The following CEP131 variants were observed in gnomAD, a reference collection of about 807,000 sequenced individuals.
CEP131 encodes the protein centrosomal protein 131.
Under a neutral mutation model 136.8 loss-of-function variants are expected in CEP131, and 99 were observed. That is an observed-to-expected ratio of 0.72 (90% CI 0.62 to 0.86). CEP131 has a LOEUF of 0.86. CEP131 is among the 40% of genes least tolerant of loss of function. The probability of loss-of-function intolerance (pLI) is 0.00; values close to 1 mark genes in which losing one functional copy is unlikely to be tolerated. For missense variants in CEP131, 1,459 were observed against 1,463.0 expected (o/e 1.00, Z 0.04); for synonymous variants, 646 against 612.7 (o/e 1.05, Z -0.80).
At chr17:81,218,677 A>C (rs767673003) in intron 2 of CEP131, among the ~76,000 whole-genome samples, 6 of 152,248 alleles carry the variant, frequency 3.9e-5, no homozygotes, top group Non-Finnish European at 8.8e-5. Context: ...GCTTGGTCCA[A>C]GGGTCCGCTA....
chr17:81,193,136 C>T (rs961882708), intron 18 of CEP131, among the ~76,000 whole-genome samples: 2 of 152,226 alleles, frequency 1.3e-5, no homozygotes, highest in Admixed American at 1.3e-4. Flanking sequence ...TCCCTCAGCC[C>T]GTGTGCCGGC....
intron 13 of CEP131, chr17:81,197,395 G>C: frequency 1.9e-6 from 1 of 524,438 alleles, no homozygotes; most frequent in Non-Finnish European, 3.4e-6. Context: ...GAGGACAGCA[G>C]GGCTCCAGAG....
At position 81,194,052 on chromosome 17, in the gene CEP131, G is replaced by A. The variant is rs376926481; in HGVS notation, c.2195C>T (p.Ala732Val). 2.3e-5 allele frequency: 37 copies of A among 1,583,744 alleles called. 1 individual carries two copies. The highest frequency in any genetic ancestry group is 1.4e-4 in the East Asian group (6 of 43,348). ...EVRRLKSLHE[A>V]ELLQSDERAS... ...CCGCTCATCCGACTGCAGCAGCTCC[G>A]CCTCGTGCAGGCTCTTGAGCCTCCG... Residue 732 changes from alanine (A) to valine (V), a missense_variant, in exon 18 of 26, where the codon GCG (alanine) becomes GTG (valine). By Grantham distance (64) the Ala-to-Val change is moderately conservative (BLOSUM62 0). Coordinates refer to ENST00000450824, the MANE Select transcript of CEP131 (RefSeq NM_014984.4).
At chr17:81,192,685 G>GGGGCCCCCC in intron 19 of CEP131, 51 bp downstream of exon 19, 1 of 478,438 alleles carries the variant, frequency 2.1e-6, no homozygotes, top group Non-Finnish European at 4.1e-6. Flanking sequence ...GGGGGGAGGG[G>GGGGCCCCCC]TCAGCCAGCG....
chr17:81,201,081 C>CA (rs879408806), intron 7 of CEP131, among the ~76,000 whole-genome samples: 48 of 147,346 alleles, frequency 3.3e-4, no homozygotes, highest in Middle Eastern at 3.5e-3. Flanking sequence ...ACTGATTAAG[C>CA]AAAAAAAAAA....
intron 16 of CEP131, 63 bp downstream of exon 16, chr17:81,195,772 G>A (rs2061740867): frequency 1.5e-5 from 22 of 1,440,540 alleles, no homozygotes; most frequent in Non-Finnish European, 1.9e-5. Context: ...TGGGGGCTGT[G>A]CCAGCTGAGC....
chr17:81,199,112 C>T, intron 10 of CEP131, 141 bp from the exon 11 acceptor site: 1 of 878,348 alleles, frequency 1.1e-6, no homozygotes, highest in Non-Finnish European at 1.7e-6. Flanking sequence ...GAGCCACGGC[C>T]TTCTGGGTGT....
At chr17:81,207,912 CCACATA>C (rs2062043081) in intron 3 of CEP131, among the ~76,000 whole-genome samples, 1 of 1,206 alleles carries the variant, frequency 8.3e-4, no homozygotes, top group East Asian at 0.042. Flanking sequence ...ACCACACACA[CCACATA>C]ACACACACAC....
rs866484196 is a variant in CEP131, at chr17:81,206,891, A to G, written c.388-20T>C. The G allele has an allele frequency of 5.0e-6, 8 of 1,610,108 alleles. No individual in the cohort carries two copies. The highest frequency in any genetic ancestry group is 4.0e-5 in the African/African-American group (3 of 74,964). On this transcript the variant is annotated intron_variant, in intron 4 of 25. Coordinates refer to ENST00000450824, the MANE Select transcript of CEP131 (RefSeq NM_014984.4). The stretch of plus-strand genomic sequence containing the variant: ...GTCATCCTGTCAGACAGCTCAGCCC[A>G]TGACACCGCCCGCACACACCCAGAC...
intron 13 of CEP131, 122 bp from the exon 14 acceptor site, chr17:81,197,177 G>T: frequency 1.4e-6 from 2 of 1,391,984 alleles, no homozygotes; most frequent in Non-Finnish European, 1.9e-6. Context: ...ACGGGAGCCC[G>T]TGGGAAGCCG....
rs1005536416 is a variant in CEP131 at position 81,203,266 on chromosome 17, G to A, written c.629+228C>T. ...CCAAGAACAGAAGAGGGCGGCGGACGTGGATGGGGAGCCCGGTTCACAGCT... is the reference window on the plus strand; with the variant it reads ...CCAAGAACAGAAGAGGGCGGCGGACATGGATGGGGAGCCCGGTTCACAGCT... On this transcript the variant is annotated intron_variant, in intron 6 of 25. Transcript: ENST00000450824. The surrounding 1 kb of genome is among the most constrained non-coding windows in gnomAD (Gnocchi z 4.6). Among the ~76,000 whole-genome samples, 4 of 152,222 alleles carry A rather than the reference G, an allele frequency of 2.6e-5. No individual in the cohort carries two copies. The highest frequency in any genetic ancestry group is 6.5e-5 in the Admixed American group (1 of 15,286).
Position 81,195,947 on chromosome 17 carries a change from A to G in CEP131, c.1904T>C (p.Ile635Thr), listed in dbSNP as rs746840939. 2 of 1,608,918 alleles carry G rather than the reference A, an allele frequency of 1.2e-6. No homozygotes were observed. The highest frequency in any genetic ancestry group is 2.2e-5 in the East Asian group (1 of 44,876). ...TTCACTCAGGACCTTCTTGTCCTCA[A>G]TCAGCTGTGTTGGGGACCGGAGGTG... ...QRHLAFIDQL[I>T]EDKKVLSEKC... Residue 635 changes from isoleucine (I) to threonine (T), a missense_variant, in exon 16 of 26, where the codon ATT (isoleucine) becomes ACT (threonine). Physicochemically the swap from Ile to Thr is moderately conservative, Grantham distance 89. Transcript: ENST00000450824.
chr17:81,215,182 C>A lies in CEP131; in HGVS notation c.177+4698G>T, dbSNP rs1334216554. On this transcript the variant is annotated intron_variant, in intron 2 of 25. Transcript: ENST00000450824. The surrounding 1 kb of genome is among the most constrained non-coding windows in gnomAD (Gnocchi z 4.1). The stretch of plus-strand genomic sequence containing the variant: ...GATCATAGCTCACTGCAGCCTCAAA[C>A]TTTCTGGGTTCAAGCCATCCTCCTG... 2.0e-5 allele frequency among the ~76,000 whole-genome samples: 3 copies of A among 152,190 alleles called. No homozygotes were observed. Among genetic ancestry groups the A allele is most frequent in the African/African-American group, 7.2e-5 (3 of 41,524 alleles).
chr17:81,201,874 G>T (rs2061898171), intron 7 of CEP131, among the ~76,000 whole-genome samples: 1 of 152,170 alleles, frequency 6.6e-6, no homozygotes, highest in Non-Finnish European at 1.5e-5. Context: ...GGCGGAGGCG[G>T]GCGGATCACG....
In CEP131 at chr17:81,215,694, G is replaced by A. The variant is rs1381252499; in HGVS notation, c.177+4186C>T. On this transcript the variant is annotated intron_variant, in intron 2 of 25. Transcript: ENST00000450824. This position sits in a 1 kb window ranked among gnomAD's most constrained non-coding sequence, Gnocchi z 4.1. ...CCCAAAGTGCTGGGATTACAGGCAC[G>A]GGCCACCGCACCTGGCCCCCCTTTC... 2.0e-5 allele frequency among the ~76,000 whole-genome samples: 3 copies of A among 151,964 alleles called. No homozygotes were observed. The highest frequency in any genetic ancestry group is 4.4e-5 in the Non-Finnish European group (3 of 67,992).
chr17:81,211,169 G>A (rs1378257082), intron 2 of CEP131, among the ~76,000 whole-genome samples: 1 of 152,158 alleles, frequency 6.6e-6, no homozygotes, highest in East Asian at 1.9e-4. Context: ...CACAGCCGCC[G>A]CCCCGTTCTC....
At position 81,203,372 on chromosome 17, in the gene CEP131, A is replaced by G. The variant is rs990396013; in HGVS notation, c.629+122T>C. 6 of 755,416 alleles carry G rather than the reference A, an allele frequency of 7.9e-6. No homozygotes were observed. The African/African-American group carries it at 8.7e-5, about 11-fold the overall frequency. The allele number at this position is 755,416 out of a possible 1,614,324, so 46.8% of individuals were successfully genotyped here. ...TGCACACTGACCGCATGCCCTGACC[A>G]AGGTAGAACCCTGTGTGAACTGACC... On this transcript the variant is annotated intron_variant, in intron 6 of 25. Coordinates refer to ENST00000450824, the MANE Select transcript of CEP131 (RefSeq NM_014984.4). The surrounding 1 kb of genome is among the most constrained non-coding windows in gnomAD (Gnocchi z 4.6).
chr17:81,209,166 G>A, intron 2 of CEP131, 144 bp from the exon 3 acceptor site: 5 of 646,934 alleles, frequency 7.7e-6, no homozygotes, highest in Non-Finnish European at 8.1e-6. Flanking sequence ...CTCAAAGGCA[G>A]TGGGTGGTCA....
Position 81,198,242 on chromosome 17 carries a change from C to A in CEP131, c.1343G>T (p.Arg448Met). 6.2e-7 allele frequency: 1 copy of A among 1,603,402 alleles called. No individual in the cohort carries two copies. Residue 448 changes from arginine to methionine, a missense_variant, in exon 12 of 26, where the codon AGG becomes ATG. Physicochemically the swap from Arg to Met is moderately conservative, Grantham distance 91 (BLOSUM62 -1). Transcript: ENST00000450824. ...GDNLEMMAPS[R>M]GSAKSRGPLE... ...TGGCCCCCTGGACTTGGCGCTCCCC[C>A]TGCTCGGGGCCATCATCTCCAGGTT...
Sources: gnomAD v4.1 joint callset for allele counts (sites outside exome capture counted in the v4.1 genomes callset) on GRCh38, gnomAD v4.1.1 for gene constraint, Gnocchi (gnomAD v3.1) non-coding constraint, MANE v1.5 for transcripts, NCBI Gene and HGNC (gene_info 2026-07-23, HGNC 2026-07-21) for gene names.